The following RELB variants were observed in gnomAD, a reference collection of about 807,000 sequenced individuals.
The protein encoded by RELB is transcription factor RelB.
A neutral mutation model predicts 55.4 loss-of-function variants in RELB; 14 were observed. That is an observed-to-expected ratio of 0.25 (90% CI 0.17 to 0.40). The LOEUF (loss-of-function observed/expected upper bound fraction) is 0.40. Among genes scored for constraint, RELB ranks in the 10% least tolerant of loss-of-function variants. The pLI is 1.00. For missense variants in RELB, 669 were observed against 830.7 expected (o/e 0.81, Z 2.39); for synonymous variants, 409 against 371.3 (o/e 1.10, Z -1.17).
At chr19:45,021,494 AG>A (rs1304294423) in intron 4 of RELB, among the ~76,000 whole-genome samples, 1 of 150,644 alleles carries the variant, frequency 6.6e-6, no homozygotes, top group Non-Finnish European at 1.5e-5. Context: ...GGCCTAAAAA[AG>A]CAGCCTGTAG....
chr19:45,021,769 T>A (rs770411082), intron 4 of RELB: 8 of 294,366 alleles, frequency 2.7e-5, no homozygotes, highest in Middle Eastern at 1.0e-3. Flanking sequence ...GAGACTGGGT[T>A]TCACCATGTT....
chr19:45,003,514 T>A (rs7251460), intron 2 of RELB: 420,809 of 488,690 alleles, frequency 0.86, 182,195 homozygotes, highest in African/African-American at 0.95. Flanking sequence ...GACAGGTAAA[T>A]CTTACCACCT....
intron 9 of RELB, 67 bp downstream of exon 9, chr19:45,032,816 A>C: frequency 1.5e-6 from 2 of 1,347,918 alleles, no homozygotes; most frequent in Non-Finnish European, 2.1e-6. Flanking sequence ...GGGAGACCCC[A>C]GTGGGGATGG....
chr19:45,003,268 G>A (rs979339954), intron 2 of RELB, among the ~76,000 whole-genome samples: 4 of 152,102 alleles, frequency 2.6e-5, no homozygotes, highest in African/African-American at 7.2e-5. Context: ...TCAGGAGATC[G>A]AGACCATCCT....
chr19:45,004,413 A>G (rs34800911), intron 2 of RELB, among the ~76,000 whole-genome samples: 13,614 of 134,488 alleles, frequency 0.1, 1,581 homozygotes, highest in African/African-American at 0.3. Flanking sequence ...TAGTAGAGAC[A>G]GGGTTTCTCC....
chr19:45,025,410 C>G lies in RELB; in HGVS notation c.744C>G (p.Asp248Glu). 6.2e-7 allele frequency: 1 copy of G among 1,611,598 alleles called. No individual in the cohort carries two copies. The highest frequency in any genetic ancestry group is 1.1e-5 in the South Asian group (1 of 90,602). Residue 248 changes from aspartate to glutamate, a missense_variant, in exon 6 of 12, where the codon GAC (aspartate) becomes GAG (glutamate). Around this residue, in one of 3 missense-constraint regions of RELB, gnomAD observed 323 missense variants for 368.5 expected, o/e 0.88. Coordinates refer to ENST00000221452, the MANE Select transcript of RELB (RefSeq NM_006509.4). ...AGCGGAAGATTCAACTGGGCATTGA[C>G]CCCTACAACGGTGAGCACCCCCTGC... is the stretch of plus-strand genomic sequence containing the variant. ...AIERKIQLGI[D>E]PYNAGSLKNH... is the part of the protein sequence containing the mutation.
chr19:45,018,962 C>A (rs956174409), intron 4 of RELB, among the ~76,000 whole-genome samples: 2 of 152,108 alleles, frequency 1.3e-5, no homozygotes, highest in African/African-American at 4.8e-5. Context: ...CGGCTGAAAG[C>A]TAGTGCCTTT....
chr19:45,033,370 G>T (rs1208410593), intron 9 of RELB, among the ~76,000 whole-genome samples: 1 of 152,084 alleles, frequency 6.6e-6, no homozygotes, highest in African/African-American at 2.4e-5. Flanking sequence ...TGTGCCTGGG[G>T]TGCTCCAGGA....
intron 3 of RELB, 148 bp from the exon 4 acceptor site, chr19:45,011,788 G>GTA (rs1206056893): frequency 3.6e-5 from 14 of 388,784 alleles, no homozygotes; most frequent in Admixed American, 2.0e-4. Context: ...GTGTGTGTGT[G>GTA]TGTGTGTGTG....
At chr19:45,036,944 G>A (rs967407554) in intron 11 of RELB, among the ~76,000 whole-genome samples, 1 of 150,918 alleles carries the variant, frequency 6.6e-6, no homozygotes, top group Non-Finnish European at 1.5e-5. Context: ...CTTATTATCT[G>A]AGAATGGTGA....
chr19:45,033,578 G>A (rs887809525), intron 9 of RELB, among the ~76,000 whole-genome samples: 13 of 151,660 alleles, frequency 8.6e-5, no homozygotes, highest in Admixed American at 2.0e-4. Context: ...CCAGCTACTC[G>A]GGAGGCTGAG....
Position 45,009,818 on chromosome 19 carries a change from A to T in RELB, c.159A>T (p.Glu53Asp), listed in dbSNP as rs773409562. ...LSLAVSRSTD[E>D]LEIIDEYIKE... ...CTCTTTCTCTTCCTTCCACAGATGA[A>T]TTGGGTGAGTATCACAGGGCAGGTT... The change falls in exon 3 of 12, where the codon GAA becomes GAT. Residue 53 changes from glutamate (E) to aspartate (D), a missense_variant. Glu to Asp is a conservative substitution (Grantham distance 45, BLOSUM62 2). Coordinates refer to ENST00000221452, the MANE Select transcript of RELB (RefSeq NM_006509.4). 15 of 1,598,570 alleles carry T rather than the reference A, an allele frequency of 9.4e-6. No homozygotes were observed. In the South Asian group the frequency reaches 1.4e-4, roughly 15 times the overall value.
In RELB at chr19:45,012,833, G is replaced by A. The variant is rs188904355; in HGVS notation, c.504+557G>A. 3.2e-3 allele frequency among the ~76,000 whole-genome samples: 479 copies of A among 151,818 alleles called. 4 individuals are homozygous for A. The highest frequency in any genetic ancestry group is 6.9e-3 in the Middle Eastern group (2 of 288). ...GGAGGTCGAGGCGAGCGGATCACTCGAGCTCAGGAGTTCTAGATGAGCCTG... is the reference window on the plus strand; with the variant it reads ...GGAGGTCGAGGCGAGCGGATCACTCAAGCTCAGGAGTTCTAGATGAGCCTG... On this transcript the variant is annotated intron_variant, in intron 4 of 11. Coordinates refer to ENST00000221452, the MANE Select transcript of RELB (RefSeq NM_006509.4).
In RELB at chr19:45,034,842, C is replaced by CT. The variant is rs778076849; in HGVS notation, c.1354+329dup. On this transcript the variant is annotated intron_variant, in intron 11 of 11. Transcript: ENST00000221452. ...TTAAAATTTGATCTATTTCTTCTTT[C>CT]TTTTTTTTTTTTTTTGGAGATGGAG... 3.8e-3 allele frequency among the ~76,000 whole-genome samples: 537 copies of CT among 139,972 alleles called. 3 individuals are homozygous for CT. The highest frequency in any genetic ancestry group is 4.1e-3 in the Non-Finnish European group (262 of 64,298). 91.8% of individuals were successfully genotyped at this position (139,972 alleles called of 152,430 possible).
At chr19:45,016,016 T>G (rs994932913) in intron 4 of RELB, among the ~76,000 whole-genome samples, 10 of 151,970 alleles carry the variant, frequency 6.6e-5, no homozygotes, top group African/African-American at 2.2e-4. Context: ...ATTTTTTTTT[T>G]GAGATGCAGT....
chr19:45,033,208 TA>T (rs1568405198), intron 9 of RELB, among the ~76,000 whole-genome samples: 1 of 152,026 alleles, frequency 6.6e-6, no homozygotes, highest in Non-Finnish European at 1.5e-5. Context: ...GACCCAGCTG[TA>T]GGTGTCAGGG....
At position 45,034,464 on chromosome 19, in the gene RELB, C is replaced by G; in HGVS notation, c.1290C>G (p.Ile430Met). The change falls in exon 11 of 12, where the codon ATC becomes ATG. Residue 430 changes from isoleucine (I) to methionine (M), a missense_variant. Around this residue, in one of 3 missense-constraint regions of RELB, gnomAD observed 341 missense variants for 436.8 expected, o/e 0.78. Coordinates refer to ENST00000221452, the MANE Select transcript of RELB (RefSeq NM_006509.4). Reference protein sequence around the residue: ...GELNSSDPHGIESKRRKKKPA... With the variant: ...GELNSSDPHGMESKRRKKKPA... ...GCCTTCCCTCAGACCCCCATGGCAT[C>G]GAGAGCAAACGGCGGAAGAAAAAGC... 1.9e-6 allele frequency: 3 copies of G among 1,611,794 alleles called. No homozygotes were observed. Among genetic ancestry groups the G allele is most frequent in the Non-Finnish European group, 2.5e-6 (3 of 1,178,944 alleles).
chr19:45,023,519 G>GCTCTGC (rs1971517011), intron 5 of RELB, among the ~76,000 whole-genome samples: 1 of 147,680 alleles, frequency 6.8e-6, no homozygotes, highest in Non-Finnish European at 1.5e-5. Context: ...CTCACTGCAA[G>GCTCTGC]CTCTGCCTCC....
At position 45,023,740 on chromosome 19, in the gene RELB, C is replaced by CTTT. The variant is rs1168078618; in HGVS notation, c.662+1556_662+1558dup. On this transcript the variant is annotated intron_variant, in intron 5 of 11. Coordinates refer to ENST00000221452, the MANE Select transcript of RELB (RefSeq NM_006509.4). ...GGTGTGAGCCCACTGTGCCCAGCCT[C>CTTT]TTTTTTTTTTTTTTTTTTTTTTTTT... is the stretch of plus-strand genomic sequence containing the variant. Among the ~76,000 whole-genome samples, 32 of 38,392 alleles carry CTTT rather than the reference C, an allele frequency of 8.3e-4. 3 individuals are homozygous for CTTT. Among genetic ancestry groups the CTTT allele is most frequent in the African/African-American group, 1.2e-3 (12 of 9,980 alleles). The allele number at this position is 38,392 out of a possible 152,430, so 25.2% of individuals were successfully genotyped here.
Sources: gnomAD v4.1 joint callset for allele counts (sites outside exome capture counted in the v4.1 genomes callset) on GRCh38, gnomAD v4.1.1 for gene constraint, gnomAD v4.1.1 regional missense constraint, MANE v1.5 for transcripts, NCBI Gene and HGNC (gene_info 2026-07-23, HGNC 2026-07-21) for gene names.